Variants in CLEC12A observed in about 807,000 individuals in gnomAD.
The protein encoded by CLEC12A is C-type lectin protein CLL-1.
A neutral mutation model predicts 26.5 loss-of-function variants in CLEC12A; 22 were observed. That is an observed-to-expected ratio of 0.83 (90% confidence interval 0.59 to 1.19). The LOEUF (loss-of-function observed/expected upper bound fraction) is 1.19, where lower values mean the gene tolerates loss of function less well. Among genes scored for constraint, CLEC12A ranks in the 50% most tolerant of loss-of-function variants. The pLI is 0.00. For missense variants in CLEC12A, 353 were observed against 315.6 expected (o/e 1.12, Z -0.90); for synonymous variants, 119 against 101.9 (o/e 1.17, Z -1.01).
chr12:9,994,923 G>C (rs1591848813), intron 4 of CLEC12A: 1 of 1,238,118 alleles, frequency 8.1e-7, no homozygotes, highest in East Asian at 3.3e-5. Flanking sequence ...AATAATATCA[G>C]AGATAAAGGT....
chr12:9,985,028 G>A lies in CLEC12A; in HGVS notation c.*2G>A, dbSNP rs376102699. 53 of 1,508,738 alleles carry A rather than the reference G, an allele frequency of 3.5e-5. 1 individual carries two copies. The highest frequency in any genetic ancestry group is 7.7e-5 in the East Asian group (3 of 39,148). The allele number at this position is 1,508,738 out of a possible 1,614,324, so 93.5% of individuals were successfully genotyped here. A position where few individuals can be genotyped will look rare whatever the true frequency, so the allele number is the denominator to read the frequency against. ...TCTACATATTTTAGGGAGGCATGAGGCATCAATCAAATACATTTAAGGAGT... is the reference window on the plus strand; with the variant it reads ...TCTACATATTTTAGGGAGGCATGAGACATCAATCAAATACATTTAAGGAGT... On this transcript the variant is annotated 3_prime_UTR_variant, in exon 6 of 6. Transcript: ENST00000304361.
intron 1 of CLEC12A, among the ~76,000 whole-genome samples, chr12:9,954,026 GTCATCACCAA>G: frequency 7.0e-6 from 1 of 142,668 alleles, no homozygotes; most frequent in East Asian, 2.0e-4. Context: ...CTCGTTAAGA[GTCATCACCAA>G]TCCCTAATCT....
At chr12:9,958,549 G>C (rs1863779641) in intron 1 of CLEC12A, among the ~76,000 whole-genome samples, 1 of 152,166 alleles carries the variant, frequency 6.6e-6, no homozygotes, top group South Asian at 2.1e-4. Flanking sequence ...TTTCAGTACT[G>C]ACTGAGTGGT....
chr12:10,002,448 T>G, the CLEC12A span, among the ~76,000 whole-genome samples: 1 of 33,658 alleles, frequency 3.0e-5, no homozygotes, highest in South Asian at 4.8e-4. Context: ...ATGTTTTTTT[T>G]TTTTTTTTTT....
downstream of CLEC12A, among the ~76,000 whole-genome samples, chr12:9,997,975 T>C (rs377375367): frequency 1.3e-5 from 2 of 150,282 alleles, no homozygotes; most frequent in African/African-American, 4.9e-5. Context: ...TTCTTAGGAA[T>C]GCAAGATAGG....
intron 4 of CLEC12A, among the ~76,000 whole-genome samples, chr12:9,994,646 A>G (rs981109471): frequency 3.3e-5 from 5 of 152,128 alleles, no homozygotes; most frequent in Non-Finnish European, 7.4e-5. Context: ...ATCTTGTGAA[A>G]TACAATGTAT....
rs1312008140 is a variant in CLEC12A at position 9,976,980 on chromosome 12, C to A, written c.92-1986C>A. ...CCTTCCACCATGATTGTGAGGCCTC[C>A]CCAGCCGCGTGAAACTGTGAATCCA... On this transcript the variant is annotated intron_variant, in intron 1 of 5. Coordinates refer to ENST00000304361, the MANE Select transcript of CLEC12A (RefSeq NM_138337.6). Among the ~76,000 whole-genome samples, 246 of 152,196 alleles carry A rather than the reference C, an allele frequency of 1.6e-3. 2 individuals are homozygous for A. Among genetic ancestry groups the A allele is most frequent in the East Asian group, 1.4e-3 (7 of 5,182 alleles).
At chr12:9,993,396 G>C in intron 4 of CLEC12A, 70 of 312,962 alleles carry the variant, frequency 2.2e-4, no homozygotes, top group Middle Eastern at 3.9e-4. Context: ...AGGAAAATAG[G>C]AAAAAAAAAC....
chr12:9,984,408 C>A (rs777648162), intron 5 of CLEC12A, among the ~76,000 whole-genome samples: 27 of 152,108 alleles, frequency 1.8e-4, no homozygotes, highest in Non-Finnish European at 3.4e-4. Context: ...AGAGTAAAAT[C>A]TTTTGCCAAG....
intron 5 of CLEC12A, chr12:9,984,026 T>C (rs971621768): frequency 1.7e-5 from 5 of 290,102 alleles, no homozygotes; most frequent in Non-Finnish European, 3.4e-5. Context: ...TAATCTATAA[T>C]GGAATGGAAA....
intron 5 of CLEC12A, chr12:9,983,425 T>C (rs906713693): frequency 3.1e-6 from 2 of 651,128 alleles, no homozygotes; most frequent in African/African-American, 3.6e-5. Context: ...TAAGTGGATT[T>C]ATACGTTGTA....
chr12:9,977,852 A>T (rs1233333838), intron 1 of CLEC12A, among the ~76,000 whole-genome samples: 2 of 152,208 alleles, frequency 1.3e-5, no homozygotes, highest in Non-Finnish European at 2.9e-5. Flanking sequence ...CTCAAAAGAT[A>T]ACTTTTGAAT....
chr12:9,955,864 A>G (rs1863734851), intron 1 of CLEC12A, among the ~76,000 whole-genome samples: 1 of 152,260 alleles, frequency 6.6e-6, no homozygotes, highest in Non-Finnish European at 1.5e-5. Context: ...TAGACATATC[A>G]AGAAAAGCCA....
At chr12:9,976,602 T>C (rs1565557298) in intron 1 of CLEC12A, among the ~76,000 whole-genome samples, 1 of 152,218 alleles carries the variant, frequency 6.6e-6, no homozygotes, top group East Asian at 1.9e-4. Context: ...TTGTCTCAGA[T>C]GGACTGTGGA....
intron 4 of CLEC12A, among the ~76,000 whole-genome samples, chr12:9,993,641 T>C (rs989228719): frequency 6.6e-6 from 1 of 151,862 alleles, no homozygotes; most frequent in East Asian, 1.9e-4. Context: ...AGGACTCAGA[T>C]GAACTGACAG....
chr12:10,003,919 GAAATAAA>G, the CLEC12A span, among the ~76,000 whole-genome samples: 31 of 152,116 alleles, frequency 2.0e-4, no homozygotes, highest in African/African-American at 7.0e-4. Flanking sequence ...ATCTCAAAAA[GAAATAAA>G]AAATAAAAAA....
intron 1 of CLEC12A, among the ~76,000 whole-genome samples, chr12:9,977,922 A>G (rs1413083517): frequency 1.3e-5 from 2 of 152,174 alleles, no homozygotes; most frequent in African/African-American, 4.8e-5. Flanking sequence ...ATAATTGAAT[A>G]CACATATAAA....
chr12:9,978,530 G>A (rs1864428283), intron 1 of CLEC12A, among the ~76,000 whole-genome samples: 1 of 151,970 alleles, frequency 6.6e-6, no homozygotes, highest in Non-Finnish European at 1.5e-5. Flanking sequence ...ATAAACAACT[G>A]AAACTGTTTT....
intron 1 of CLEC12A, among the ~76,000 whole-genome samples, chr12:9,976,708 C>T (rs1417247516): frequency 6.6e-6 from 1 of 152,036 alleles, no homozygotes; most frequent in East Asian, 1.9e-4. Context: ...TGGGAGAGGT[C>T]AGGGTGGAAT....
Sources: gnomAD v4.1 joint callset for allele counts (sites outside exome capture counted in the v4.1 genomes callset) on GRCh38, gnomAD v4.1.1 for gene constraint, MANE v1.5 for transcripts, NCBI Gene and HGNC (gene_info 2026-07-23, HGNC 2026-07-21) for gene names.